CLUL1: variants seen among roughly 807,000 people sequenced by gnomAD.
CLUL1 encodes clusterin-like protein 1.
Under a neutral mutation model 49.4 loss-of-function variants are expected in CLUL1, and 43 were observed. The ratio of observed to expected loss-of-function variants is 0.87; its 90% CI spans 0.68 to 1.12. The LOEUF is 1.12. CLUL1 is among the 50% of genes most tolerant of loss of function. CLUL1 has a pLI of 0.00. For missense variants in CLUL1, 486 were observed against 544.4 expected, an observed-to-expected ratio of 0.89 and a Z score of 1.07; for synonymous variants, 192 against 184.9, an observed-to-expected ratio of 1.04 and a Z score of -0.31.
At chr18:600,605 A>C (rs987151663) in intron 1 of CLUL1, among the ~76,000 whole-genome samples, 1 of 152,238 alleles carries the variant, frequency 6.6e-6, no homozygotes, top group African/African-American at 2.4e-5. Context: ...GAGGCTTATT[A>C]TTTCTAGAAA....
chr18:626,912 A>G (rs12961540), intron 5 of CLUL1, among the ~76,000 whole-genome samples, 185 bp from the exon 6 acceptor site: 3 of 24,492 alleles, frequency 1.2e-4, no homozygotes, highest in African/African-American at 6.1e-4. Flanking sequence ...AGAAAGAAAG[A>G]AAGAAAGAAA....
intron 2 of CLUL1, among the ~76,000 whole-genome samples, chr18:615,726 A>G (rs2143984417): frequency 6.6e-6 from 1 of 152,310 alleles, no homozygotes; most frequent in Admixed American, 6.5e-5. Flanking sequence ...GGCTGTTTAA[A>G]ATAATAATAG....
chr18:645,206 T>A, intron 9 of CLUL1, 109 bp downstream of exon 9: 3 of 776,716 alleles, frequency 3.9e-6, no homozygotes, highest in Non-Finnish European at 5.8e-6. Flanking sequence ...TTAACCTCAT[T>A]AATAAAGACA....
At chr18:601,946 C>T (rs959922003) in intron 1 of CLUL1, among the ~76,000 whole-genome samples, 2 of 152,000 alleles carry the variant, frequency 1.3e-5, no homozygotes, top group South Asian at 2.1e-4. Flanking sequence ...CAGGGTCAGG[C>T]GTGGTGGCTC....
At position 618,929 on chromosome 18, in the gene CLUL1, GA is replaced by G. The variant is rs1008372906; in HGVS notation, c.107-276del. On this transcript the variant is annotated intron_variant, in intron 3 of 9. Coordinates refer to ENST00000692774, the MANE Select transcript of CLUL1 (RefSeq NM_001393344.1). This position sits in a 1 kb window ranked among gnomAD's most constrained non-coding sequence, Gnocchi z 4.2. ...AAACACACTTGAGTCTTAAATGAAA[GA>G]AAAAAAATGGATAAATGAAAACAGG... Among the ~76,000 whole-genome samples, 7 of 151,756 alleles carry G rather than the reference GA, an allele frequency of 4.6e-5. No homozygotes were observed. Among genetic ancestry groups the G allele is most frequent in the East Asian group, 3.9e-4 (2 of 5,172 alleles).
chr18:639,915 C>T (rs2074292632), intron 7 of CLUL1, among the ~76,000 whole-genome samples: 1 of 152,090 alleles, frequency 6.6e-6, no homozygotes, highest in South Asian at 2.1e-4. Flanking sequence ...GGAGTGCTTA[C>T]AGTCAAGCAG....
chr18:611,154 G>A (rs774426005), intron 2 of CLUL1, among the ~76,000 whole-genome samples: 9 of 150,996 alleles, frequency 6.0e-5, no homozygotes, highest in African/African-American at 9.7e-5. Context: ...CACAGGGAGA[G>A]CCCTGTGCCA....
chr18:621,352 G>A (rs1172274755), intron 4 of CLUL1, among the ~76,000 whole-genome samples: 1 of 152,170 alleles, frequency 6.6e-6, no homozygotes, highest in Non-Finnish European at 1.5e-5. Context: ...AGTGTGACAG[G>A]CTGACCCCAA....
At position 627,286 on chromosome 18, in the gene CLUL1, A is replaced by T. The variant is rs777700996; in HGVS notation, c.613A>T (p.Met205Leu). 8.1e-6 allele frequency: 13 copies of T among 1,614,084 alleles called. No homozygotes were observed. The highest frequency in any genetic ancestry group is 1.1e-5 in the Non-Finnish European group (13 of 1,180,008). ...FNRSFNVFRQ[M>L]QQEFDQTFQS... ...CAGGAGTTTTAACGTCTTCAGACAG[A>T]TGCAGCAAGAGTTTGACCAGACTTT... Residue 205 changes from methionine to leucine, a missense_variant, in exon 6 of 10, where the codon ATG (methionine) becomes TTG (leucine). Coordinates refer to ENST00000692774, the MANE Select transcript of CLUL1 (RefSeq NM_001393344.1).
chr18:621,366 T>C (rs2073483499), intron 4 of CLUL1, among the ~76,000 whole-genome samples: 1 of 152,172 alleles, frequency 6.6e-6, no homozygotes, highest in Non-Finnish European at 1.5e-5. Flanking sequence ...ACCCCAAAGC[T>C]GTGTGTCAGC....
intron 4 of CLUL1, among the ~76,000 whole-genome samples, chr18:620,377 T>TC (rs1310864608): frequency 6.6e-6 from 1 of 152,082 alleles, no homozygotes; most frequent in Non-Finnish European, 1.5e-5. Flanking sequence ...TTTTTTTTTT[T>TC]CAAGAATCTT....
Position 649,895 on chromosome 18 carries a change from A to G in CLUL1, c.1398-3A>G. 7.9e-7 allele frequency: 1 copy of G among 1,264,378 alleles called. No homozygotes were observed. Among genetic ancestry groups the G allele is most frequent in the Non-Finnish European group, 1.1e-6 (1 of 891,594 alleles). 78.3% of individuals were successfully genotyped at this position (1,264,378 alleles called of 1,614,324 possible). ...CATTGCTGCCTTTTTTTTTTTTTTT[A>G]AGGTAAGAAGATCTAATGCATCCTA... On this transcript the variant is annotated splice_polypyrimidine_tract_variant and splice_region_variant and intron_variant, in intron 9 of 9. Coordinates refer to ENST00000692774, the MANE Select transcript of CLUL1 (RefSeq NM_001393344.1).
intron 6 of CLUL1, among the ~76,000 whole-genome samples, chr18:629,117 A>G (rs2073910067): frequency 6.6e-6 from 1 of 152,174 alleles, no homozygotes; most frequent in African/African-American, 2.4e-5. Context: ...TACATCCTTC[A>G]GGTGCCATCG....
intron 6 of CLUL1, among the ~76,000 whole-genome samples, chr18:632,527 G>A (rs1042870387): frequency 3.3e-5 from 5 of 152,086 alleles, no homozygotes; most frequent in African/African-American, 1.2e-4. Flanking sequence ...AAGAGAAAAA[G>A]TGGTTCACAA....
At chr18:639,942 G>A (rs1212462878) in intron 7 of CLUL1, among the ~76,000 whole-genome samples, 1 of 152,082 alleles carries the variant, frequency 6.6e-6, no homozygotes, top group Non-Finnish European at 1.5e-5. Context: ...AATGCTGAAA[G>A]GTTATGAAAT....
At chr18:643,734 A>G (rs1053032528) in intron 8 of CLUL1, among the ~76,000 whole-genome samples, 1 of 152,212 alleles carries the variant, frequency 6.6e-6, no homozygotes, top group Non-Finnish European at 1.5e-5. Context: ...ACCACTTAAG[A>G]GCATTTACTG....
At position 624,234 on chromosome 18, in the gene CLUL1, G is replaced by A. The variant is rs554265017; in HGVS notation, c.256-631G>A. ...TGGGAATATAAACAAGAAGAACAAAGCTTGTTTATATTCCCATTTATATTT... is the reference window on the plus strand; with the variant it reads ...TGGGAATATAAACAAGAAGAACAAAACTTGTTTATATTCCCATTTATATTT... On this transcript the variant is annotated intron_variant, in intron 4 of 9. Coordinates refer to ENST00000692774, the MANE Select transcript of CLUL1 (RefSeq NM_001393344.1). 1.5e-4 allele frequency among the ~76,000 whole-genome samples: 23 copies of A among 151,674 alleles called. No homozygotes were observed. In the South Asian group the frequency reaches 4.8e-3, roughly 32 times the overall value.
intron 6 of CLUL1, among the ~76,000 whole-genome samples, chr18:628,449 G>C (rs891461071): frequency 2.0e-4 from 31 of 152,188 alleles, no homozygotes; most frequent in African/African-American, 6.8e-4. Flanking sequence ...TAAGGCGGCA[G>C]ATATCTTCTG....
chr18:624,847 G>C lies in CLUL1; in HGVS notation c.256-18G>C, dbSNP rs748528721. ...ATTATGAAATGGAAATTGGACTTTT[G>C]TTTCTACTTTTAACTAGGAGGCCCT... On this transcript the variant is annotated intron_variant, in intron 4 of 9. Transcript: ENST00000692774. 2 of 1,611,706 alleles carry C rather than the reference G, an allele frequency of 1.2e-6. No individual in the cohort carries two copies. Among genetic ancestry groups the C allele is most frequent in the African/African-American group, 2.7e-5 (2 of 74,826 alleles).
Sources: gnomAD v4.1 joint callset for allele counts (sites outside exome capture counted in the v4.1 genomes callset) on GRCh38, gnomAD v4.1.1 for gene constraint, Gnocchi (gnomAD v3.1) non-coding constraint, MANE v1.5 for transcripts, NCBI Gene and HGNC (gene_info 2026-07-23, HGNC 2026-07-21) for gene names.